MAD2L2: variants seen among roughly 807,000 people sequenced by gnomAD.
MAD2L2 encodes mitotic spindle assembly checkpoint protein MAD2B.
Under a neutral mutation model 30.5 loss-of-function variants are expected in MAD2L2, and 17 were observed. The observed-to-expected ratio is 0.56, with a 90% CI of 0.38 to 0.84. The LOEUF is 0.84. Among genes scored for constraint, MAD2L2 ranks in the 40% least tolerant of loss-of-function variants. The probability of loss-of-function intolerance (pLI) is 0.00; values close to 1 mark genes in which losing one functional copy is unlikely to be tolerated. For missense variants in MAD2L2, 213 were observed against 277.4 expected, an observed-to-expected ratio of 0.77 and a Z score of 1.65; for synonymous variants, 101 against 113.9, an observed-to-expected ratio of 0.89 and a Z score of 0.72.
In MAD2L2 at chr1:11,687,913, T is replaced by A. The variant is rs536200788; in HGVS notation, c.-692+3500A>T. On this transcript the variant is annotated intron_variant, in intron 1 of 10. Coordinates refer to the MAD2L2 transcript ENST00000235310. The surrounding 1 kb of genome is among the most constrained non-coding windows in gnomAD (Gnocchi z 4.1). ...GCTTTGGCCCCTCAAGTACCTCATTTTACAGACAAGGAAACTGAGGCCCTA... is the reference window on the plus strand; with the variant it reads ...GCTTTGGCCCCTCAAGTACCTCATTATACAGACAAGGAAACTGAGGCCCTA... Among the ~76,000 whole-genome samples, 55 of 152,304 alleles carry A rather than the reference T, an allele frequency of 3.6e-4. No individual in the cohort carries two copies. The highest frequency in any genetic ancestry group is 1.3e-3 in the African/African-American group (52 of 41,558).
Position 11,690,512 on chromosome 1 carries a change from C to T in MAD2L2, c.-692+901G>A, listed in dbSNP as rs1464270058. Among the ~76,000 whole-genome samples, 1 of 152,160 alleles carries T rather than the reference C, an allele frequency of 6.6e-6. No individual in the cohort carries two copies. Among genetic ancestry groups the T allele is most frequent in the Non-Finnish European group, 1.5e-5 (1 of 68,026 alleles). The stretch of plus-strand genomic sequence containing the variant: ...GAGCTCAGAGGTCAGGCGACTTGCT[C>T]GAGGTCATAGGGGACGGCATCAGAA... On this transcript the variant is annotated intron_variant, in intron 1 of 10. Transcript: ENST00000235310. This position sits in a 1 kb window ranked among gnomAD's most constrained non-coding sequence, Gnocchi z 4.2.
At chr1:11,675,821 G>T in intron 6 of MAD2L2, 90 bp from the exon 7 acceptor site, 1 of 1,131,620 alleles carries the variant, frequency 8.8e-7, no homozygotes, top group Non-Finnish European at 1.4e-6. Flanking sequence ...TGCTGGCTCA[G>T]CAGCACCCCC....
chr1:11,676,987 C>G (rs760077440), intron 4 of MAD2L2, 39 bp from the exon 5 acceptor site: 80 of 1,472,994 alleles, frequency 5.4e-5, no homozygotes, highest in Non-Finnish European at 7.3e-5. Context: ...GCCAGGCACC[C>G]CACCCCGACT....
intron 3 of MAD2L2, among the ~76,000 whole-genome samples, chr1:11,678,126 G>T (rs1241388486): frequency 6.7e-6 from 1 of 149,720 alleles, no homozygotes; most frequent in African/African-American, 2.5e-5. Context: ...TAGAAGATAA[G>T]AACTCAGGCT....
upstream of MAD2L2, chr1:11,681,622 A>G (rs968186396): frequency 6.6e-6 from 1 of 152,180 alleles, no homozygotes; most frequent in African/African-American, 2.4e-5. Context: ...TAAAAAAAAG[A>G]GGGCGTGCAC....
chr1:11,676,417 T>C (rs530249323), intron 5 of MAD2L2, among the ~76,000 whole-genome samples: 1 of 152,142 alleles, frequency 6.6e-6, no homozygotes, highest in East Asian at 1.9e-4. Context: ...GTGGTTTTAA[T>C]GTGCAGCCAG....
upstream of MAD2L2, among the ~76,000 whole-genome samples, chr1:11,685,288 G>C (rs1055073902): frequency 6.6e-6 from 1 of 152,192 alleles, no homozygotes; most frequent in East Asian, 1.9e-4. Flanking sequence ...ATGAATGGCA[G>C]AGGAATGAAG....
chr1:11,680,374 C>A lies in MAD2L2; in HGVS notation c.138G>T (p.Lys46Asn). Residue 46 changes from lysine to asparagine, a missense_variant, in exon 3 of 9, where the codon AAG (lysine) becomes AAT (asparagine). By Grantham distance (94) the Lys-to-Asn change is moderately conservative. Transcript: ENST00000376692. ...TCACCTGGACCGGCACGTTGTACTT[C>A]TTGCGTTTCTGGAAGATGCCCACGG... ...VYPVGIFQKRKKYNVPVQMSC... is the reference protein window; with the variant it reads ...VYPVGIFQKRNKYNVPVQMSC... The A allele has an allele frequency of 6.2e-7, 1 of 1,613,922 alleles. No homozygotes were observed. The highest frequency in any genetic ancestry group is 8.5e-7 in the Non-Finnish European group (1 of 1,179,896).
rs1252004458 is a variant in MAD2L2 at position 11,680,438 on chromosome 1, A to C, written c.74T>G (p.Val25Gly). ...VADVLCEFLE[V>G]AVHLILYVRE... The stretch of plus-strand genomic sequence containing the variant: ...CACGTAGAGGATGAGATGCACAGCC[A>C]CCTCCAGGAACTCGCAGAGCACATC... The change falls in exon 3 of 9, where the codon GTG becomes GGG. Residue 25 changes from valine to glycine, a missense_variant. Transcript: ENST00000376692. 1 of 1,613,652 alleles carries C rather than the reference A, an allele frequency of 6.2e-7. No individual in the cohort carries two copies. Among genetic ancestry groups the C allele is most frequent in the Non-Finnish European group, 8.5e-7 (1 of 1,179,904 alleles).
upstream of MAD2L2, among the ~76,000 whole-genome samples, chr1:11,684,716 ATCAGC>A (rs1417226761): frequency 6.6e-6 from 1 of 152,144 alleles, no homozygotes; most frequent in Non-Finnish European, 1.5e-5. Flanking sequence ...GGCAGAATGA[ATCAGC>A]TCTCCCACCC....
At chr1:11,678,340 G>A (rs759595659) in intron 3 of MAD2L2, among the ~76,000 whole-genome samples, 4 of 152,152 alleles carry the variant, frequency 2.6e-5, no homozygotes, top group Non-Finnish European at 5.9e-5. Flanking sequence ...GAACCTGGGA[G>A]GCGGAGGTTG....
chr1:11,688,829 T>A lies in MAD2L2; in HGVS notation c.-692+2584A>T, dbSNP rs1275605170. On this transcript the variant is annotated intron_variant, in intron 1 of 10. Coordinates refer to the MAD2L2 transcript ENST00000235310. This position sits in a 1 kb window ranked among gnomAD's most constrained non-coding sequence, Gnocchi z 4.6. ...GGAGATCAGCACAAGATACAGGTCA[T>A]AAAGACCTTGCTGATAAAACAGTTT... Among the ~76,000 whole-genome samples the A allele has an allele frequency of 6.6e-6, 1 of 152,214 alleles. No homozygotes were observed. Among genetic ancestry groups the A allele is most frequent in the Non-Finnish European group, 1.5e-5 (1 of 68,016 alleles).
At chr1:11,678,360 G>A (rs1640808572) in intron 3 of MAD2L2, among the ~76,000 whole-genome samples, 1 of 152,126 alleles carries the variant, frequency 6.6e-6, no homozygotes, top group Non-Finnish European at 1.5e-5. Context: ...GCAGTGAGCT[G>A]AGATCAAGCC....
At chr1:11,679,760 C>T (rs1366213237) in intron 3 of MAD2L2, among the ~76,000 whole-genome samples, 2 of 151,996 alleles carry the variant, frequency 1.3e-5, no homozygotes, top group Non-Finnish European at 2.9e-5. Flanking sequence ...AACTCCTGAC[C>T]TTGTGATTCG....
intron 1 of MAD2L2, among the ~76,000 whole-genome samples, chr1:11,691,200 C>A (rs981674313): frequency 1.3e-5 from 2 of 151,810 alleles, no homozygotes; most frequent in East Asian, 2.0e-4. Context: ...ACAGTCTAGG[C>A]GGAATAATCC....
chr1:11,683,080 G>T (rs1640903740), upstream of MAD2L2, among the ~76,000 whole-genome samples: 1 of 152,264 alleles, frequency 6.6e-6, no homozygotes, highest in East Asian at 1.9e-4. Flanking sequence ...GCAGTCATAG[G>T]GGGCAACTCC....
chr1:11,675,658 CT>C lies in MAD2L2; in HGVS notation c.500del (p.Lys167ArgfsTer20). The part of the protein sequence containing the change: ...TRNMEKIQVI[K>X]DFPWILADEQ... ...CAGACCCAGACCCATCTCATCTCACCTTGATGACCTGGATCTTCTCCATGTT... is the reference window on the plus strand; with the variant it reads ...CAGACCCAGACCCATCTCATCTCACCTGATGACCTGGATCTTCTCCATGTT... On this transcript the variant is annotated frameshift_variant and splice_region_variant, in exon 7 of 9. Coordinates refer to ENST00000376692, the MANE Select transcript of MAD2L2 (RefSeq NM_006341.4). LOFTEE classifies it high-confidence loss of function. 6.2e-7 allele frequency: 1 copy of C among 1,614,016 alleles called. No individual in the cohort carries two copies. Among genetic ancestry groups the C allele is most frequent in the Non-Finnish European group, 8.5e-7 (1 of 1,179,880 alleles).
At chr1:11,682,190 A>T (rs1035447899), upstream of MAD2L2, among the ~76,000 whole-genome samples, 10 of 152,184 alleles carry the variant, frequency 6.6e-5, no homozygotes, top group African/African-American at 2.2e-4. Flanking sequence ...CACAGTGGGA[A>T]TACAAACCCA....
chr1:11,680,256 A>C (rs1037141205), intron 3 of MAD2L2, 97 bp downstream of exon 3: 1 of 1,030,534 alleles, frequency 9.7e-7, no homozygotes, highest in Middle Eastern at 2.2e-4. Context: ...TCGGCCTCCC[A>C]AAGTGCTAGG....
Sources: allele counts gnomAD v4.1 joint callset (sites outside exome capture counted in the v4.1 genomes callset), GRCh38; gene constraint gnomAD v4.1.1; non-coding constraint Gnocchi (gnomAD v3.1); transcripts MANE v1.5; gene names NCBI Gene and HGNC (gene_info 2026-07-23, HGNC 2026-07-21).